Variants in CADPS observed in about 807,000 individuals in gnomAD.
CADPS encodes the protein calcium-dependent secretion activator 1.
CADPS carries 57 observed loss-of-function variants against 167.3 expected under a neutral mutation model. That is an observed-to-expected ratio of 0.34 (90% confidence interval 0.28 to 0.42). CADPS has a LOEUF of 0.42. CADPS is among the 20% of genes least tolerant of loss of function. The pLI is 1.00. For synonymous variants in CADPS, 676 were observed against 635.3 expected, an observed-to-expected ratio of 1.06 and a Z score of -0.96; for missense variants, 1,414 against 1,738.1, an observed-to-expected ratio of 0.81 and a Z score of 3.32.
At chr3:62,428,659 C>T (rs970321709) in intron 28 of CADPS, among the ~76,000 whole-genome samples, 2 of 152,150 alleles carry the variant, frequency 1.3e-5, no homozygotes, top group Non-Finnish European at 2.9e-5. Flanking sequence ...TCATACTCAT[C>T]GCGTTTTTGT....
At chr3:62,615,581 T>C (rs1234555243) in intron 6 of CADPS, among the ~76,000 whole-genome samples, 1 of 152,192 alleles carries the variant, frequency 6.6e-6, no homozygotes, top group Non-Finnish European at 1.5e-5. Flanking sequence ...GAAGCACGTC[T>C]GGGACCCCGG....
At chr3:62,431,532 A>AT (rs78659106) in intron 28 of CADPS, among the ~76,000 whole-genome samples, 2,097 of 142,462 alleles carry the variant, frequency 0.015, 39 homozygotes, top group East Asian at 0.076. Context: ...ATTCAGCTTG[A>AT]TTTTTTTTTT....
chr3:62,711,044 T>C (rs2083302256), intron 3 of CADPS, among the ~76,000 whole-genome samples: 1 of 152,110 alleles, frequency 6.6e-6, no homozygotes, highest in African/African-American at 2.4e-5. Flanking sequence ...AAGCAAAGCA[T>C]TGGGATTTGT....
At chr3:62,584,005 CTTTTT>C (rs34234122) in intron 8 of CADPS, among the ~76,000 whole-genome samples, 4 of 123,342 alleles carry the variant, frequency 3.2e-5, no homozygotes, top group Non-Finnish European at 5.2e-5. Context: ...ACCCAATCCT[CTTTTT>C]TTTTTTTTTT....
chr3:62,476,036 C>T (rs1417088878), intron 23 of CADPS, among the ~76,000 whole-genome samples: 1 of 152,104 alleles, frequency 6.6e-6, no homozygotes, highest in African/African-American at 2.4e-5. Context: ...TCATTTAACT[C>T]AACTGACTCC....
chr3:62,654,938 A>T (rs77503093), intron 4 of CADPS, among the ~76,000 whole-genome samples: 9,711 of 152,190 alleles, frequency 0.064, 319 homozygotes, highest in Middle Eastern at 0.088. Flanking sequence ...AACTTATCTT[A>T]GGGACTCACT....
At chr3:62,744,105 T>C (rs2080922543) in intron 3 of CADPS, among the ~76,000 whole-genome samples, 1 of 152,140 alleles carries the variant, frequency 6.6e-6, no homozygotes, top group Admixed American at 6.5e-5. Context: ...TTAGCTTCTT[T>C]ACTAAAATGT....
intron 1 of CADPS, among the ~76,000 whole-genome samples, chr3:62,867,715 C>G (rs1045815667): frequency 1.3e-5 from 2 of 152,006 alleles, no homozygotes; most frequent in Admixed American, 1.3e-4. Flanking sequence ...CTTGCCCAGT[C>G]CTTTCAGATA....
chr3:62,672,476 C>T (rs6445281), intron 3 of CADPS, among the ~76,000 whole-genome samples: 28,672 of 152,094 alleles, frequency 0.19, 2,870 homozygotes, highest in Middle Eastern at 0.27. Flanking sequence ...AGAGCTGTTG[C>T]CATCTGGCTC....
intron 26 of CADPS, among the ~76,000 whole-genome samples, chr3:62,447,713 C>T (rs931586107): frequency 3.3e-5 from 5 of 152,138 alleles, no homozygotes; most frequent in Non-Finnish European, 7.4e-5. Flanking sequence ...AAGGTGACTG[C>T]CTGCAGAGGC....
At chr3:62,496,073 CTTT>C (rs56913608) in intron 18 of CADPS, among the ~76,000 whole-genome samples, 11 of 140,608 alleles carry the variant, frequency 7.8e-5, no homozygotes, top group Admixed American at 2.1e-4. Flanking sequence ...CTTTTCTTTT[CTTT>C]TTTTTTTTTT....
Position 62,486,630 on chromosome 3 carries a change from C to A in CADPS, c.3026+4709G>T, listed in dbSNP as rs145803256. On this transcript the variant is annotated intron_variant, in intron 21 of 29. Coordinates refer to ENST00000383710, the MANE Select transcript of CADPS (RefSeq NM_003716.4). ...TTAGTTCTACCATTCAGAGCTGATG[C>A]AGGGCAAGAGAGCCCCAAAGTAGGG... Among the ~76,000 whole-genome samples, 1,134 of 152,280 alleles carry A rather than the reference C, an allele frequency of 7.4e-3. 6 individuals are homozygous for A. Among genetic ancestry groups the A allele is most frequent in the Non-Finnish European group, 0.011 (742 of 68,016 alleles).
At chr3:62,791,682 C>T (rs544204522) in intron 1 of CADPS, among the ~76,000 whole-genome samples, 1 of 152,272 alleles carries the variant, frequency 6.6e-6, no homozygotes, top group South Asian at 2.1e-4. Flanking sequence ...CACCAGGCAC[C>T]GGATAAGTCA....
chr3:62,555,629 G>A (rs2078012363), intron 10 of CADPS, among the ~76,000 whole-genome samples: 4 of 152,168 alleles, frequency 2.6e-5, no homozygotes. Context: ...ATCACATGGG[G>A]GGAAAGGAAA....
intron 2 of CADPS, among the ~76,000 whole-genome samples, chr3:62,764,957 C>T (rs1263087611): frequency 6.6e-6 from 1 of 152,122 alleles, no homozygotes; most frequent in Non-Finnish European, 1.5e-5. Context: ...GCTTTCAGTG[C>T]CTAGGAGCTG....
intron 7 of CADPS, among the ~76,000 whole-genome samples, chr3:62,587,563 G>A (rs1039886952): frequency 9.9e-5 from 15 of 152,200 alleles, no homozygotes; most frequent in Non-Finnish European, 1.6e-4. Flanking sequence ...GGCCAGAACC[G>A]CGGTAAGTAA....
chr3:62,581,786 T>C (rs1290874724), intron 8 of CADPS, among the ~76,000 whole-genome samples: 1 of 152,142 alleles, frequency 6.6e-6, no homozygotes, highest in Non-Finnish European at 1.5e-5. Flanking sequence ...TTTATTAAGA[T>C]GGGAGAATGA....
chr3:62,627,011 A>G (rs1579108332), intron 6 of CADPS, among the ~76,000 whole-genome samples: 1 of 152,156 alleles, frequency 6.6e-6, no homozygotes, highest in South Asian at 2.1e-4. Context: ...TTTCAAAGCC[A>G]TATTTGGAAT....
chr3:62,771,835 T>C (rs556084788), intron 1 of CADPS, among the ~76,000 whole-genome samples: 10 of 152,214 alleles, frequency 6.6e-5, no homozygotes, highest in Non-Finnish European at 1.2e-4. Flanking sequence ...TCAGGCAGTT[T>C]GTAATTTACT....
Sources: allele counts gnomAD v4.1 joint callset (sites outside exome capture counted in the v4.1 genomes callset), GRCh38; gene constraint gnomAD v4.1.1; transcripts MANE v1.5; gene names NCBI Gene and HGNC (gene_info 2026-07-23, HGNC 2026-07-21).